The following KCNIP4 variants were observed in gnomAD, a reference collection of about 807,000 sequenced individuals.
KCNIP4 encodes potassium voltage-gated channel interacting protein 4.
A neutral mutation model predicts 34.0 loss-of-function variants in KCNIP4; 12 were observed. The ratio of observed to expected loss-of-function variants is 0.35; its 90% CI spans 0.23 to 0.57. The LOEUF is 0.57. KCNIP4 is among the 20% of genes least tolerant of loss of function. KCNIP4 has a pLI of 0.83. For missense variants in KCNIP4, 238 were observed against 311.7 expected (o/e 0.76, Z 1.78); for synonymous variants, 124 against 102.2 (o/e 1.21, Z -1.29).
At position 20,743,125 on chromosome 4, in the gene KCNIP4, A is replaced by C. The variant is rs1019395990; in HGVS notation, c.429+6537T>G. ...GCTCAATGAAATAAAAGAGGACACA[A>C]ACAAATGGAAGAACATTCCATGTTC... On this transcript the variant is annotated intron_variant, in intron 5 of 8. Coordinates refer to ENST00000382152, the MANE Select transcript of KCNIP4 (RefSeq NM_025221.6). Among the ~76,000 whole-genome samples, 3 of 151,926 alleles carry C rather than the reference A, an allele frequency of 2.0e-5. No individual in the cohort carries two copies. In the South Asian group the frequency reaches 6.2e-4, roughly 31 times the overall value.
At chr4:20,789,209 C>T (rs944665119) in intron 3 of KCNIP4, among the ~76,000 whole-genome samples, 1 of 152,106 alleles carries the variant, frequency 6.6e-6, no homozygotes, top group Non-Finnish European at 1.5e-5. Context: ...TAAAACCCTA[C>T]CACACTAGCT....
At chr4:20,774,979 G>T (rs529954681) in intron 3 of KCNIP4, among the ~76,000 whole-genome samples, 2 of 152,084 alleles carry the variant, frequency 1.3e-5, no homozygotes, top group East Asian at 3.9e-4. Context: ...AATCCCAATC[G>T]CATTCTAAAC....
At chr4:21,494,155 G>C (rs1194861908) in intron 1 of KCNIP4, among the ~76,000 whole-genome samples, 1 of 152,132 alleles carries the variant, frequency 6.6e-6, no homozygotes, top group African/African-American at 2.4e-5. Context: ...ATCTGACCCA[G>C]AGCTGAGTAA....
At chr4:21,245,734 G>A (rs1469667610) in intron 1 of KCNIP4, among the ~76,000 whole-genome samples, 2 of 152,200 alleles carry the variant, frequency 1.3e-5, no homozygotes, top group African/African-American at 2.4e-5. Flanking sequence ...GAAGCACGTG[G>A]CAGACAGACC....
intron 1 of KCNIP4, among the ~76,000 whole-genome samples, chr4:21,000,671 A>G (rs6825511): frequency 0.65 from 98,483 of 151,670 alleles, 32,153 homozygotes; most frequent in Admixed American, 0.7. Flanking sequence ...TGCAAAAAGA[A>G]CATAACTTCG....
chr4:21,944,501 G>A (rs575032509), intron 1 of KCNIP4, among the ~76,000 whole-genome samples: 16 of 144,084 alleles, frequency 1.1e-4, no homozygotes, highest in African/African-American at 3.8e-4. Flanking sequence ...AGATTGCAGC[G>A]AGCCAAGGTC....
chr4:20,980,652 T>C (rs190185045), intron 1 of KCNIP4, among the ~76,000 whole-genome samples: 82 of 152,304 alleles, frequency 5.4e-4, no homozygotes, highest in African/African-American at 1.7e-3. Flanking sequence ...TCAGAAGTAC[T>C]TTCTAATGTA....
In KCNIP4 at chr4:21,396,557, A is replaced by AAAAAAAAAAAAT. The variant is rs1342918172; in HGVS notation, c.62-513849_62-513848insATTTTTTTTTTT. Among the ~76,000 whole-genome samples the AAAAAAAAAAAAT allele has an allele frequency of 4.7e-5, 7 of 149,202 alleles. 1 individual carries two copies. The highest frequency in any genetic ancestry group is 9.0e-5 in the Non-Finnish European group (6 of 66,956). ...GTGACAGAGCAAGACTCCAAAAAAA[A>AAAAAAAAAAAAT]AAAAAAAAAAAGAGGATTCTGATAT... is the stretch of plus-strand genomic sequence containing the variant. On this transcript the variant is annotated intron_variant, in intron 1 of 8. Coordinates refer to ENST00000382152, the MANE Select transcript of KCNIP4 (RefSeq NM_025221.6).
chr4:20,900,321 G>A (rs55838059), intron 1 of KCNIP4, among the ~76,000 whole-genome samples: 7,344 of 152,242 alleles, frequency 0.048, 205 homozygotes, highest in Middle Eastern at 0.11. Flanking sequence ...ATGAAACCCG[G>A]GGATGATCAG....
At chr4:20,920,720 G>A (rs1269466089) in intron 1 of KCNIP4, among the ~76,000 whole-genome samples, 2 of 152,196 alleles carry the variant, frequency 1.3e-5, no homozygotes, top group Non-Finnish European at 2.9e-5. Context: ...GGCCGGGCAC[G>A]GTGGCTCACG....
Position 21,202,169 on chromosome 4 carries a change from A to G in KCNIP4, c.62-319460T>C, listed in dbSNP as rs1395114689. On this transcript the variant is annotated intron_variant, in intron 1 of 8. Coordinates refer to ENST00000382152, the MANE Select transcript of KCNIP4 (RefSeq NM_025221.6). Reference sequence around the variant, plus strand: ...CTATCAAAAAGACACATGCACCCCAATGTCCATCACAGCTGTCTGTAATGT... The same window carrying G: ...CTATCAAAAAGACACATGCACCCCAGTGTCCATCACAGCTGTCTGTAATGT... 2.6e-5 allele frequency among the ~76,000 whole-genome samples: 4 copies of G among 152,340 alleles called. No homozygotes were observed. In the South Asian group the frequency reaches 6.2e-4, roughly 24 times the overall value.
In KCNIP4 at chr4:20,941,512, A is replaced by G. The variant is rs372083511; in HGVS notation, c.62-58803T>C. Among the ~76,000 whole-genome samples, 305 of 152,336 alleles carry G rather than the reference A, an allele frequency of 2.0e-3. 1 individual carries two copies. Among genetic ancestry groups the G allele is most frequent in the African/African-American group, 7.0e-3 (292 of 41,586 alleles). On this transcript the variant is annotated intron_variant, in intron 1 of 8. Coordinates refer to ENST00000382152, the MANE Select transcript of KCNIP4 (RefSeq NM_025221.6). ...GGAACGGAGAAAGAAGGACAAAAGA[A>G]GAACTTTTAAAGGTAGAAATTCTCA...
At chr4:21,846,308 C>A (rs1320040429) in intron 1 of KCNIP4, 2 of 152,102 alleles carry the variant, frequency 1.3e-5, no homozygotes, top group South Asian at 4.1e-4. Context: ...GATATAGATA[C>A]ACATATAGAA....
At chr4:21,684,862 C>T (rs1379776049) in intron 1 of KCNIP4, among the ~76,000 whole-genome samples, 1 of 152,054 alleles carries the variant, frequency 6.6e-6, no homozygotes, top group East Asian at 1.9e-4. Flanking sequence ...TGTTCCCCAC[C>T]CTGTGTCCAC....
At chr4:21,217,151 C>T (rs1383716928) in intron 1 of KCNIP4, among the ~76,000 whole-genome samples, 1 of 152,132 alleles carries the variant, frequency 6.6e-6, no homozygotes, top group Non-Finnish European at 1.5e-5. Context: ...GTAACTTGCC[C>T]AAGCCTCACA....
chr4:21,442,260 T>C (rs1727549819), intron 1 of KCNIP4, among the ~76,000 whole-genome samples: 1 of 152,152 alleles, frequency 6.6e-6, no homozygotes, highest in South Asian at 2.1e-4. Flanking sequence ...CTCTTCATAA[T>C]TTTTTCCTTC....
chr4:21,947,271 C>G (rs1451050445), intron 1 of KCNIP4, among the ~76,000 whole-genome samples: 1 of 152,198 alleles, frequency 6.6e-6, no homozygotes, highest in East Asian at 1.9e-4. Context: ...AGATTGTAAG[C>G]ATTTCTCACA....
chr4:21,816,458 A>G (rs1721994502), intron 1 of KCNIP4, among the ~76,000 whole-genome samples: 1 of 152,188 alleles, frequency 6.6e-6, no homozygotes, highest in African/African-American at 2.4e-5. Flanking sequence ...GTCTACAGAA[A>G]AAGATGACTC....
intron 1 of KCNIP4, among the ~76,000 whole-genome samples, chr4:21,184,805 G>A (rs1755097736): frequency 6.6e-6 from 1 of 152,088 alleles, no homozygotes; most frequent in South Asian, 2.1e-4. Flanking sequence ...TTGTCAATAT[G>A]GCATATTTCA....
Sources: gnomAD v4.1 joint callset for allele counts (sites outside exome capture counted in the v4.1 genomes callset) on GRCh38, gnomAD v4.1.1 for gene constraint, MANE v1.5 for transcripts, NCBI Gene and HGNC (gene_info 2026-07-23, HGNC 2026-07-21) for gene names.